SMOC2: variants seen among roughly 807,000 people sequenced by gnomAD.
The protein encoded by SMOC2 is SPARC related modular calcium binding 2.
SMOC2 carries 39 observed loss-of-function variants against 61.4 expected under a neutral mutation model. The observed-to-expected ratio is 0.64, with a 90% CI of 0.49 to 0.83. The LOEUF (loss-of-function observed/expected upper bound fraction) is 0.83, where lower values mean the gene tolerates loss of function less well. Ranked by LOEUF, SMOC2 falls within the 40% of genes least tolerant of loss-of-function variation. The probability of loss-of-function intolerance (pLI) is 0.00; values close to 1 mark genes in which losing one functional copy is unlikely to be tolerated. For synonymous variants in SMOC2, 247 were observed against 239.9 expected, an observed-to-expected ratio of 1.03 and a Z score of -0.27; for missense variants, 556 against 592.9, an observed-to-expected ratio of 0.94 and a Z score of 0.65.
intron 7 of SMOC2, among the ~76,000 whole-genome samples, chr6:168,592,308 G>A (rs1221279135): frequency 1.4e-5 from 2 of 147,424 alleles, no homozygotes; most frequent in African/African-American, 2.5e-5. Flanking sequence ...CCTCCTCCCT[G>A]AGGCCTCACG....
intron 6 of SMOC2, among the ~76,000 whole-genome samples, chr6:168,548,523 A>AATT (rs397959914): frequency 4.2e-4 from 13 of 31,134 alleles, no homozygotes; most frequent in Admixed American, 5.3e-4. Flanking sequence ...ACCCCTGGCT[A>AATT]TTTTTTTTTT....
chr6:168,523,079 A>T (rs1583078302), intron 2 of SMOC2, among the ~76,000 whole-genome samples: 3 of 93,660 alleles, frequency 3.2e-5, no homozygotes, highest in African/African-American at 1.0e-4. Context: ...TTGTACAGTA[A>T]TTTTTTTTTT....
At chr6:168,497,993 T>C (rs1380928097) in intron 1 of SMOC2, among the ~76,000 whole-genome samples, 1 of 152,184 alleles carries the variant, frequency 6.6e-6, no homozygotes, top group Non-Finnish European at 1.5e-5. Flanking sequence ...TACTTTTAAC[T>C]CACGGGACTG....
chr6:168,509,489 C>T lies in SMOC2; in HGVS notation c.85-426C>T, dbSNP rs930231319. Among the ~76,000 whole-genome samples the T allele has an allele frequency of 1.1e-4, 16 of 152,136 alleles. 1 individual carries two copies. Among genetic ancestry groups the T allele is most frequent in the African/African-American group, 3.6e-4 (15 of 41,426 alleles). Reference sequence around the variant, plus strand: ...TTCCCTCCCATTTCCAGATAGTGGACATTCCTGATACTCGTCACTTCCAAA... The same window carrying T: ...TTCCCTCCCATTTCCAGATAGTGGATATTCCTGATACTCGTCACTTCCAAA... On this transcript the variant is annotated intron_variant, in intron 1 of 12. Transcript: ENST00000356284.
intron 7 of SMOC2, among the ~76,000 whole-genome samples, chr6:168,571,255 A>C (rs1784658530): frequency 6.6e-6 from 1 of 152,224 alleles, no homozygotes; most frequent in African/African-American, 2.4e-5. Context: ...ATAAAGTAAA[A>C]TATCTTGTGA....
At chr6:168,525,823 T>C (rs1783440109) in intron 2 of SMOC2, among the ~76,000 whole-genome samples, 1 of 152,180 alleles carries the variant, frequency 6.6e-6, no homozygotes, top group Admixed American at 6.5e-5. Flanking sequence ...GCTGCAGCTG[T>C]GGTTGGAAGT....
intron 12 of SMOC2, 139 bp downstream of exon 12, chr6:168,664,250 T>C (rs1787595730): frequency 1.3e-6 from 1 of 759,970 alleles, no homozygotes; most frequent in Non-Finnish European, 2.3e-6. Context: ...GAGGCAAGCT[T>C]ACTGACTACA....
intron 9 of SMOC2, among the ~76,000 whole-genome samples, chr6:168,624,971 ACAC>A (rs1223016924): frequency 6.6e-5 from 10 of 152,068 alleles, no homozygotes; most frequent in Non-Finnish European, 1.5e-4. Flanking sequence ...AGACACATGC[ACAC>A]CACCACCACC....
At chr6:168,531,994 G>C (rs1463942114) in intron 4 of SMOC2, among the ~76,000 whole-genome samples, 2 of 152,178 alleles carry the variant, frequency 1.3e-5, no homozygotes, top group African/African-American at 4.8e-5. Flanking sequence ...TGGATATGGC[G>C]AGGACAAGAA....
intron 8 of SMOC2, among the ~76,000 whole-genome samples, chr6:168,599,524 A>AC (rs1464553516): frequency 1.3e-4 from 3 of 23,078 alleles, no homozygotes; most frequent in Non-Finnish European, 2.6e-4. Flanking sequence ...ACACACTCAT[A>AC]CCCCCACACA....
intron 9 of SMOC2, among the ~76,000 whole-genome samples, chr6:168,618,884 T>C (rs1786172994): frequency 6.6e-6 from 1 of 152,186 alleles, no homozygotes; most frequent in Admixed American, 6.5e-5. Context: ...CTTCAGTCAC[T>C]ACTCCACAGA....
intron 4 of SMOC2, among the ~76,000 whole-genome samples, chr6:168,542,152 C>G (rs897794065): frequency 6.6e-6 from 1 of 152,096 alleles, no homozygotes; most frequent in Non-Finnish European, 1.5e-5. Context: ...TAAAAATAAA[C>G]TGATGACTGA....
chr6:168,529,735 A>G (rs1182082342), intron 4 of SMOC2, among the ~76,000 whole-genome samples: 1 of 152,356 alleles, frequency 6.6e-6, no homozygotes, highest in African/African-American at 2.4e-5. Flanking sequence ...AGAATTTATC[A>G]TAAATTCATA....
At chr6:168,652,885 G>A in intron 10 of SMOC2, 69 bp from the exon 11 acceptor site, 1 of 1,496,124 alleles carries the variant, frequency 6.7e-7, no homozygotes, top group Non-Finnish European at 9.1e-7. Context: ...GGGTTTGAGG[G>A]AAGGACAGTG....
intron 4 of SMOC2, among the ~76,000 whole-genome samples, chr6:168,537,627 A>G (rs1027826303): frequency 6.6e-6 from 1 of 152,240 alleles, no homozygotes; most frequent in Non-Finnish European, 1.5e-5. Flanking sequence ...CAGGAGGCCG[A>G]GTGGCTGGTT....
At chr6:168,601,172 A>C (rs1276197942) in intron 8 of SMOC2, among the ~76,000 whole-genome samples, 1 of 152,214 alleles carries the variant, frequency 6.6e-6, no homozygotes, top group Non-Finnish European at 1.5e-5. Context: ...GAAACTGTGT[A>C]GTTTCCAGGG....
At position 168,526,300 on chromosome 6, in the gene SMOC2, T is replaced by C. The variant is rs749938508; in HGVS notation, c.257-46T>C. ...TCAATGTTCCTATATCTGTTCTATC[T>C]TCTTCCCATTGCATAACCACACCTC... On this transcript the variant is annotated intron_variant, in intron 2 of 12. Transcript: ENST00000356284. 1.2e-4 allele frequency: 179 copies of C among 1,526,452 alleles called. 1 individual carries two copies. The Middle Eastern group carries it at 1.9e-3, about 16-fold the overall frequency. 94.6% of individuals were successfully genotyped at this position (1,526,452 alleles called of 1,614,324 possible).
intron 7 of SMOC2, among the ~76,000 whole-genome samples, chr6:168,556,565 G>C (rs2115116567): frequency 6.6e-6 from 1 of 150,732 alleles, no homozygotes; most frequent in African/African-American, 2.4e-5. Flanking sequence ...GCCCAGGGCT[G>C]TTTGAGGCCC....
intron 1 of SMOC2, among the ~76,000 whole-genome samples, chr6:168,488,933 G>A (rs1226334915): frequency 1.3e-5 from 2 of 150,824 alleles, no homozygotes; most frequent in Non-Finnish European, 2.9e-5. Context: ...AATCGTCTGG[G>A]TCCCCTTGCA....
Sources: gnomAD v4.1 joint callset for allele counts (sites outside exome capture counted in the v4.1 genomes callset) on GRCh38, gnomAD v4.1.1 for gene constraint, MANE v1.5 for transcripts, NCBI Gene and HGNC (gene_info 2026-07-23, HGNC 2026-07-21) for gene names.